SHISA9: variants seen among roughly 807,000 people sequenced by gnomAD.
SHISA9 encodes protein shisa-9.
In SHISA9, 13 loss-of-function variants were observed where a neutral mutation model predicts 38.0. The ratio of observed to expected loss-of-function variants is 0.34; its 90% CI spans 0.22 to 0.54. The LOEUF (loss-of-function observed/expected upper bound fraction) is 0.54. Among genes scored for constraint, SHISA9 ranks in the 20% least tolerant of loss-of-function variants. The pLI is 0.91. For missense variants in SHISA9, 538 were observed against 575.8 expected (o/e 0.93, Z 0.67); for synonymous variants, 275 against 242.0 (o/e 1.14, Z -1.27).
intron 2 of SHISA9, among the ~76,000 whole-genome samples, chr16:13,060,659 A>AAAAAAAAC (rs1567198462): frequency 7.8e-6 from 1 of 128,892 alleles, no homozygotes; most frequent in African/African-American, 3.0e-5. Flanking sequence ...AAAAAAAAAA[A>AAAAAAAAC]AACACTCAAA....
At chr16:13,209,083 T>C (rs1034733750) in intron 3 of SHISA9, among the ~76,000 whole-genome samples, 1 of 152,166 alleles carries the variant, frequency 6.6e-6, no homozygotes, top group Non-Finnish European at 1.5e-5. Context: ...TTCTGTAAAA[T>C]GGAGATAATA....
intron 2 of SHISA9, among the ~76,000 whole-genome samples, chr16:12,934,979 T>C (rs2071510098): frequency 6.6e-6 from 1 of 152,168 alleles, no homozygotes; most frequent in Non-Finnish European, 1.5e-5. Flanking sequence ...ACCATGGTCT[T>C]ATTGGAGCTC....
At chr16:13,083,050 C>G (rs905252345) in intron 2 of SHISA9, among the ~76,000 whole-genome samples, 1 of 152,178 alleles carries the variant, frequency 6.6e-6, no homozygotes, top group Admixed American at 6.5e-5. Context: ...CCCAGCTTAG[C>G]TGGGAACTGA....
At chr16:12,908,118 C>A (rs2071127350) in intron 1 of SHISA9, among the ~76,000 whole-genome samples, 1 of 52,336 alleles carries the variant, frequency 1.9e-5, no homozygotes, top group African/African-American at 5.4e-5. Flanking sequence ...ACAATGAGCT[C>A]AGGACCTGTC....
At chr16:13,418,016 TTTC>T in the SHISA9 span, among the ~76,000 whole-genome samples, 1 of 152,230 alleles carries the variant, frequency 6.6e-6, no homozygotes, top group Non-Finnish European at 1.5e-5. Context: ...CTTCCCTCCT[TTTC>T]TTCTTTAAAT....
At chr16:13,026,664 G>A (rs1366355079) in intron 2 of SHISA9, among the ~76,000 whole-genome samples, 3 of 152,164 alleles carry the variant, frequency 2.0e-5, no homozygotes, top group African/African-American at 7.2e-5. Flanking sequence ...TTTCACAGCA[G>A]CTGCACCCTT....
At chr16:13,515,523 C>A in the SHISA9 span, among the ~76,000 whole-genome samples, 1 of 152,104 alleles carries the variant, frequency 6.6e-6, no homozygotes, top group Non-Finnish European at 1.5e-5. Context: ...AAAACTAAGA[C>A]TCATACGAGT....
At chr16:13,512,593 A>G in the SHISA9 span, among the ~76,000 whole-genome samples, 2 of 152,200 alleles carry the variant, frequency 1.3e-5, no homozygotes, top group African/African-American at 2.4e-5. Context: ...GCATCATGCT[A>G]CCTGACTTCA....
chr16:13,346,559 T>C, the SHISA9 span, among the ~76,000 whole-genome samples: 1 of 152,202 alleles, frequency 6.6e-6, no homozygotes, highest in African/African-American at 2.4e-5. Context: ...AACAAAAAAA[T>C]TGAGGTAATA....
At chr16:13,305,751 C>T in the SHISA9 span, among the ~76,000 whole-genome samples, 5 of 152,194 alleles carry the variant, frequency 3.3e-5, no homozygotes, top group Admixed American at 3.3e-4. Context: ...CACTTTGATC[C>T]CTGACCCACA....
chr16:13,018,260 T>C (rs1321739974), intron 2 of SHISA9, among the ~76,000 whole-genome samples: 1 of 152,216 alleles, frequency 6.6e-6, no homozygotes, highest in East Asian at 1.9e-4. Context: ...ATTCATTCTT[T>C]GCCTCCAAAG....
chr16:13,195,675 A>G (rs1323580744), intron 2 of SHISA9, among the ~76,000 whole-genome samples: 1 of 152,206 alleles, frequency 6.6e-6, no homozygotes, highest in Admixed American at 6.5e-5. Flanking sequence ...TTTAACATCA[A>G]TAGCGATGAG....
At chr16:13,442,520 C>G in the SHISA9 span, among the ~76,000 whole-genome samples, 1 of 152,166 alleles carries the variant, frequency 6.6e-6, no homozygotes, top group Non-Finnish European at 1.5e-5. Flanking sequence ...GTTGGCCAGG[C>G]TGGTCTCGAA....
At chr16:13,432,999 TACAGCAA>T in the SHISA9 span, among the ~76,000 whole-genome samples, 1 of 151,966 alleles carries the variant, frequency 6.6e-6, no homozygotes, top group Non-Finnish European at 1.5e-5. Context: ...AAATAATCTG[TACAGCAA>T]ACCCCCATGA....
At chr16:13,068,844 GTATA>G (rs1240490416) in intron 2 of SHISA9, among the ~76,000 whole-genome samples, 1 of 150,890 alleles carries the variant, frequency 6.6e-6, no homozygotes, top group African/African-American at 2.5e-5. Context: ...GCATGTATGT[GTATA>G]TATATGCATA....
Position 13,145,315 on chromosome 16 carries a change from A to C in SHISA9, c.692-58079A>C, listed in dbSNP as rs558382075. 2.6e-5 allele frequency among the ~76,000 whole-genome samples: 4 copies of C among 152,280 alleles called. No individual in the cohort carries two copies. The South Asian group carries it at 8.3e-4, about 32-fold the overall frequency. On this transcript the variant is annotated intron_variant, in intron 2 of 4. Coordinates refer to ENST00000558583, the MANE Select transcript of SHISA9 (RefSeq NM_001145204.3). Reference sequence around the variant, plus strand: ...CGAGATGGGTGGATCAGTTCAGGTCAGGAGTTCAAGATCAGCCTGGTCAAC... The same window carrying C: ...CGAGATGGGTGGATCAGTTCAGGTCCGGAGTTCAAGATCAGCCTGGTCAAC...
chr16:13,390,417 G>T, the SHISA9 span, among the ~76,000 whole-genome samples: 1 of 152,108 alleles, frequency 6.6e-6, no homozygotes, highest in African/African-American at 2.4e-5. Context: ...CTGTCTCACT[G>T]GTTCTCTGCA....
chr16:12,968,857 A>C (rs1041231280), intron 2 of SHISA9, among the ~76,000 whole-genome samples: 1 of 152,106 alleles, frequency 6.6e-6, no homozygotes, highest in Non-Finnish European at 1.5e-5. Context: ...GTTCCAATAG[A>C]ATTTTATTTA....
chr16:13,009,292 T>C (rs1018014628), intron 2 of SHISA9, among the ~76,000 whole-genome samples: 10 of 151,982 alleles, frequency 6.6e-5, no homozygotes, highest in Non-Finnish European at 1.0e-4. Context: ...CTGTGGCTTG[T>C]AGAGGTGGTG....
Sources: gnomAD v4.1 joint callset for allele counts (sites outside exome capture counted in the v4.1 genomes callset) on GRCh38, gnomAD v4.1.1 for gene constraint, MANE v1.5 for transcripts, NCBI Gene and HGNC (gene_info 2026-07-23, HGNC 2026-07-21) for gene names.